Variants in NFYB observed in about 807,000 individuals in gnomAD.
NFYB encodes nuclear transcription factor Y subunit beta, also known as CAAT box DNA-binding protein subunit B.
NFYB carries 13 observed loss-of-function variants against 28.0 expected under a neutral mutation model. That is an observed-to-expected ratio of 0.46 (90% CI 0.30 to 0.74). NFYB has a LOEUF of 0.74. NFYB is among the 30% of genes least tolerant of loss of function. The probability of loss-of-function intolerance (pLI) is 0.07; values close to 1 mark genes in which losing one functional copy is unlikely to be tolerated. For missense variants in NFYB, 142 were observed against 247.6 expected (o/e 0.57, Z 2.86); for synonymous variants, 74 against 75.0 (o/e 0.99, Z 0.07).
intron 7 of NFYB, 25 bp from the exon 8 acceptor site, chr12:104,119,794 G>C (rs748014204): frequency 6.5e-7 from 1 of 1,535,810 alleles, no homozygotes; most frequent in South Asian, 1.1e-5. Context: ...TTTAAATTGA[G>C]CAGAATTAAA....
At chr12:104,134,619 T>C (rs893002823) in intron 2 of NFYB, among the ~76,000 whole-genome samples, 8 of 152,242 alleles carry the variant, frequency 5.3e-5, no homozygotes, top group Non-Finnish European at 1.0e-4. Flanking sequence ...CTTGAACCTA[T>C]TCTCAAAGGT....
At chr12:104,130,352 T>C (rs2030878007) in intron 2 of NFYB, among the ~76,000 whole-genome samples, 1 of 152,240 alleles carries the variant, frequency 6.6e-6, no homozygotes, top group Non-Finnish European at 1.5e-5. Context: ...AATACTGGGC[T>C]AGTTTCCAGG....
In NFYB at chr12:104,117,761, A is replaced by C. The variant is rs986080589; in HGVS notation, c.*1976T>G. 1 of 152,192 alleles carries C rather than the reference A, an allele frequency of 6.6e-6. No homozygotes were observed. The highest frequency in any genetic ancestry group is 2.4e-5 in the African/African-American group (1 of 41,436). The allele number at this position is 152,192 out of a possible 1,614,324, so 9.4% of individuals were successfully genotyped here. On this transcript the variant is annotated 3_prime_UTR_variant, in exon 8 of 8. Transcript: ENST00000240055. Reference sequence around the variant, plus strand: ...CTACTTGAACAAATATTAATCTTTAAAATAATTTTAGAGACAGTATCTGAT... The same window carrying C: ...CTACTTGAACAAATATTAATCTTTACAATAATTTTAGAGACAGTATCTGAT...
chr12:104,130,266 G>C (rs147701197), intron 2 of NFYB, among the ~76,000 whole-genome samples: 15 of 152,286 alleles, frequency 9.8e-5, no homozygotes, highest in Middle Eastern at 3.4e-3. Context: ...TAAACTTAAT[G>C]TTATTAATTG....
At chr12:104,128,063 T>C (rs2030786798) in intron 3 of NFYB, among the ~76,000 whole-genome samples, 1 of 152,036 alleles carries the variant, frequency 6.6e-6, no homozygotes, top group Admixed American at 6.6e-5. Flanking sequence ...GTGCAAGAAA[T>C]ATAATAGCTA....
Position 104,118,904 on chromosome 12 carries a change from A to G in NFYB, c.*833T>C, listed in dbSNP as rs1297040510. Reference sequence around the variant, plus strand: ...AACTCCTCTTCTGTAAGAGAATACTATAGTACTTGAAGATATGATTTGAAA... The same window carrying G: ...AACTCCTCTTCTGTAAGAGAATACTGTAGTACTTGAAGATATGATTTGAAA... On this transcript the variant is annotated 3_prime_UTR_variant, in exon 8 of 8. Coordinates refer to ENST00000240055, the MANE Select transcript of NFYB (RefSeq NM_006166.4). The G allele has an allele frequency of 1.3e-5, 2 of 152,220 alleles. No individual in the cohort carries two copies. Among genetic ancestry groups the G allele is most frequent in the Non-Finnish European group, 2.9e-5 (2 of 68,024 alleles). The allele number at this position is 152,220 out of a possible 1,614,324, so 9.4% of individuals were successfully genotyped here. A position where few individuals can be genotyped will look rare whatever the true frequency, so the allele number is the denominator to read the frequency against.
chr12:104,135,977 G>GT (rs1744387678), intron 1 of NFYB, among the ~76,000 whole-genome samples: 1 of 152,044 alleles, frequency 6.6e-6, no homozygotes, highest in Non-Finnish European at 1.5e-5. Flanking sequence ...ATGTTTCAGA[G>GT]TAACATTTAG....
intron 5 of NFYB, 127 bp from the exon 6 acceptor site, chr12:104,121,448 A>T (rs1051735163): frequency 2.8e-6 from 2 of 723,324 alleles, no homozygotes; most frequent in African/African-American, 3.5e-5. Flanking sequence ...ATTTATTAAC[A>T]CTTCTGGTTA....
intron 2 of NFYB, among the ~76,000 whole-genome samples, chr12:104,129,089 T>C (rs148492055): frequency 2.6e-3 from 401 of 152,338 alleles, no homozygotes; most frequent in East Asian, 0.016. Context: ...CTAAAGCATA[T>C]GCCTCTTTCT....
intron 1 of NFYB, 130 bp downstream of exon 1, chr12:104,138,011 G>A (rs971705136): frequency 6.8e-6 from 1 of 146,376 alleles, no homozygotes; most frequent in African/African-American, 2.5e-5. Context: ...CGCGCGGGAG[G>A]GCGGGAGGCT....
At chr12:104,136,712 G>GA (rs2031113869) in intron 1 of NFYB, among the ~76,000 whole-genome samples, 1 of 152,034 alleles carries the variant, frequency 6.6e-6, no homozygotes, top group Admixed American at 6.6e-5. Context: ...CCAAATAGTT[G>GA]ATTCAGTATA....
At chr12:104,137,738 C>A (rs1215120535) in intron 1 of NFYB, 1 of 147,736 alleles carries the variant, frequency 6.8e-6, no homozygotes, top group African/African-American at 2.4e-5. Flanking sequence ...AGGGCCCGGG[C>A]CGCGTCTCCC....
At position 104,119,770 on chromosome 12, in the gene NFYB, C is replaced by A. The variant is rs746662422; in HGVS notation, c.592-1G>T. 5.7e-6 allele frequency: 9 copies of A among 1,592,764 alleles called. No homozygotes were observed. The highest frequency in any genetic ancestry group is 2.7e-5 in the African/African-American group (2 of 74,430). ...ACTGAATTTGCTGAACACCAGAAAT[C>A]TAAGATTAGAAAATTTAAATTGAGC... On this transcript the variant is annotated splice_acceptor_variant, in intron 7 of 7. Coordinates refer to ENST00000240055, the MANE Select transcript of NFYB (RefSeq NM_006166.4). LOFTEE classifies it high-confidence loss of function.
chr12:104,120,355 G>A (rs772069092), intron 7 of NFYB, 45 bp downstream of exon 7: 16 of 1,525,502 alleles, frequency 1.0e-5, no homozygotes, highest in African/African-American at 1.4e-5. Flanking sequence ...GGGCCCTGTC[G>A]ATACAATCAA....
In NFYB at chr12:104,134,301, C is replaced by T. The variant is rs529240562; in HGVS notation, c.6+1147G>A. Among the ~76,000 whole-genome samples, 13 of 152,306 alleles carry T rather than the reference C, an allele frequency of 8.5e-5. No individual in the cohort carries two copies. The South Asian group carries it at 2.7e-3, about 32-fold the overall frequency. On this transcript the variant is annotated intron_variant, in intron 2 of 7. Transcript: ENST00000240055. ...GTAGGGCATGTCTAATATCTCATCA[C>T]GGCAAATTTAAGATATTGGGAAATG...
intron 2 of NFYB, among the ~76,000 whole-genome samples, chr12:104,135,180 G>A (rs946655601): frequency 3.9e-5 from 6 of 152,194 alleles, no homozygotes; most frequent in Non-Finnish European, 7.3e-5. Context: ...TGTCCCCTAA[G>A]TATTCAATTA....
intron 4 of NFYB, among the ~76,000 whole-genome samples, chr12:104,125,667 G>A (rs570989572): frequency 6.6e-6 from 1 of 151,676 alleles, no homozygotes; most frequent in African/African-American, 2.4e-5. Context: ...TGACCAACAT[G>A]GAGAAACCCC....
intron 2 of NFYB, among the ~76,000 whole-genome samples, chr12:104,133,385 A>C (rs900213024): frequency 1.1e-4 from 16 of 152,200 alleles, no homozygotes; most frequent in African/African-American, 3.9e-4. Context: ...ATACACTGAA[A>C]ACACTGAAAT....
At chr12:104,132,920 T>C (rs542512102) in intron 2 of NFYB, among the ~76,000 whole-genome samples, 198 of 152,316 alleles carry the variant, frequency 1.3e-3, no homozygotes, top group Non-Finnish European at 2.0e-3. Flanking sequence ...ATCGTTAGAC[T>C]CAAGGAACTG....
Sources: allele counts gnomAD v4.1 joint callset (sites outside exome capture counted in the v4.1 genomes callset), GRCh38; gene constraint gnomAD v4.1.1; transcripts MANE v1.5; gene names NCBI Gene and HGNC (gene_info 2026-07-23, HGNC 2026-07-21).